The following SLC9A9 variants were observed in gnomAD, a reference collection of about 807,000 sequenced individuals.
SLC9A9 encodes sodium/hydrogen exchanger 9.
SLC9A9 carries 62 observed loss-of-function variants against 77.8 expected under a neutral mutation model. The observed-to-expected ratio is 0.80, with a 90% CI of 0.65 to 0.98. The LOEUF (loss-of-function observed/expected upper bound fraction) is 0.98. SLC9A9 is among the 50% of genes least tolerant of loss of function. The pLI, the probability that SLC9A9 is intolerant of heterozygous loss-of-function variation, is 0.00. For synonymous variants in SLC9A9, 320 were observed against 283.5 expected, an observed-to-expected ratio of 1.13 and a Z score of -1.29; for missense variants, 775 against 774.9, an observed-to-expected ratio of 1.00 and a Z score of 0.00.
intron 14 of SLC9A9, among the ~76,000 whole-genome samples, chr3:143,297,664 TTTTAA>T (rs759373420): frequency 2.0e-5 from 3 of 152,250 alleles, no homozygotes; most frequent in Non-Finnish European, 4.4e-5. Flanking sequence ...CATTTGTGTC[TTTTAA>T]TTTCTTTCAT....
intron 9 of SLC9A9, among the ~76,000 whole-genome samples, chr3:143,507,185 C>CATT (rs979571608): frequency 6.6e-6 from 1 of 151,590 alleles, no homozygotes; most frequent in Non-Finnish European, 1.5e-5. Context: ...CAGCCTCTCT[C>CATT]ATTATTATTA....
intron 7 of SLC9A9, among the ~76,000 whole-genome samples, chr3:143,575,969 G>A (rs983724973): frequency 6.6e-6 from 1 of 152,024 alleles, no homozygotes; most frequent in Non-Finnish European, 1.5e-5. Context: ...TACCGAGCCT[G>A]TTTCTTCCGT....
At chr3:143,358,633 T>C (rs988164921) in intron 14 of SLC9A9, among the ~76,000 whole-genome samples, 1 of 152,180 alleles carries the variant, frequency 6.6e-6, no homozygotes, top group Non-Finnish European at 1.5e-5. Context: ...TAGTCACCTA[T>C]GAATAAGGCA....
At chr3:143,573,954 T>C (rs2037312806) in intron 8 of SLC9A9, 134 bp downstream of exon 8, 1 of 760,240 alleles carries the variant, frequency 1.3e-6, no homozygotes, top group South Asian at 1.5e-5. Context: ...GAGAGGCTGA[T>C]TCTGACCCAA....
At chr3:143,279,114 T>G (rs1938138614) in intron 14 of SLC9A9, among the ~76,000 whole-genome samples, 1 of 152,290 alleles carries the variant, frequency 6.6e-6, no homozygotes. Flanking sequence ...CAAGTCAATT[T>G]ACTAATATAA....
chr3:143,476,361 G>C lies in SLC9A9; in HGVS notation c.1316-9171C>G, dbSNP rs187394099. On this transcript the variant is annotated intron_variant, in intron 11 of 15. Transcript: ENST00000316549. ...TGAATTTGAATCATTTAAACTTAAG[G>C]CTACTAAGAAGAAATGTGATATAAC... 2.0e-5 allele frequency among the ~76,000 whole-genome samples: 3 copies of C among 152,250 alleles called. No homozygotes were observed. In the East Asian group the frequency reaches 5.8e-4, roughly 29 times the overall value.
At chr3:143,298,677 C>T (rs1417540295) in intron 14 of SLC9A9, among the ~76,000 whole-genome samples, 4 of 152,200 alleles carry the variant, frequency 2.6e-5, no homozygotes, top group African/African-American at 9.7e-5. Context: ...TTGAGAGCAG[C>T]TTCCACAGTG....
chr3:143,650,107 G>A (rs1382854311), intron 6 of SLC9A9, among the ~76,000 whole-genome samples: 3 of 152,312 alleles, frequency 2.0e-5, no homozygotes, highest in East Asian at 1.9e-4. Flanking sequence ...AAGCTGAAGA[G>A]GGCAACCCAG....
intron 5 of SLC9A9, among the ~76,000 whole-genome samples, chr3:143,674,818 C>A (rs1278210130): frequency 6.6e-6 from 1 of 152,070 alleles, no homozygotes; most frequent in East Asian, 1.9e-4. Flanking sequence ...CAGGTTCTAC[C>A]AGTGCAATAA....
At chr3:143,488,012 G>T (rs1576530527) in intron 11 of SLC9A9, among the ~76,000 whole-genome samples, 1 of 151,708 alleles carries the variant, frequency 6.6e-6, no homozygotes, top group Non-Finnish European at 1.5e-5. Context: ...TAAGAAAAAA[G>T]AGAGAAGATT....
At chr3:143,441,312 G>A (rs2034729944) in intron 12 of SLC9A9, among the ~76,000 whole-genome samples, 1 of 152,150 alleles carries the variant, frequency 6.6e-6, no homozygotes. Context: ...GGGAATTTCA[G>A]GCCATGTGAA....
intron 14 of SLC9A9, among the ~76,000 whole-genome samples, chr3:143,282,743 G>A (rs1938261155): frequency 6.6e-6 from 1 of 152,198 alleles, no homozygotes; most frequent in African/African-American, 2.4e-5. Context: ...AGATAGGACT[G>A]TGGTGGCATC....
At chr3:143,270,997 A>G (rs376451932) in intron 14 of SLC9A9, among the ~76,000 whole-genome samples, 17 of 152,250 alleles carry the variant, frequency 1.1e-4, no homozygotes, top group African/African-American at 3.4e-4. Flanking sequence ...GAGTTGAGTG[A>G]TATCTCGCAC....
intron 12 of SLC9A9, among the ~76,000 whole-genome samples, chr3:143,409,903 A>G (rs77425767): frequency 0.055 from 8,392 of 152,272 alleles, 326 homozygotes; most frequent in African/African-American, 0.11. Context: ...AAGAAGGACA[A>G]TGAAAACTTA....
chr3:143,517,177 G>A, intron 9 of SLC9A9: 1 of 1,485,276 alleles, frequency 6.7e-7, no homozygotes. Context: ...TAACCTTTGA[G>A]TTGCTCTGGT....
At chr3:143,785,709 A>G (rs1454719480) in intron 4 of SLC9A9, among the ~76,000 whole-genome samples, 1 of 152,140 alleles carries the variant, frequency 6.6e-6, no homozygotes, top group Non-Finnish European at 1.5e-5. Flanking sequence ...GTGTGTGTGT[A>G]GAAGCAGAGT....
chr3:143,334,469 G>A (rs1025788421), intron 14 of SLC9A9, among the ~76,000 whole-genome samples: 4 of 152,202 alleles, frequency 2.6e-5, no homozygotes, highest in Non-Finnish European at 5.9e-5. Context: ...ATAATGAATA[G>A]GAGTGTGGAC....
rs1008306240 is a variant in SLC9A9, at chr3:143,502,374, T to C, written c.1090-6926A>G. ...TCTGAACGCTCATGGTAACCATTCA[T>C]ATGTTAATTAAGTGACTTAATCTAG... On this transcript the variant is annotated intron_variant, in intron 9 of 15. Transcript: ENST00000316549. 1.8e-4 allele frequency among the ~76,000 whole-genome samples: 26 copies of C among 143,182 alleles called. 1 individual carries two copies. The highest frequency in any genetic ancestry group is 6.9e-3 in the Middle Eastern group (2 of 290). 93.9% of individuals were successfully genotyped at this position (143,182 alleles called of 152,430 possible).
At chr3:143,380,567 A>G (rs547194052) in intron 13 of SLC9A9, among the ~76,000 whole-genome samples, 7 of 152,336 alleles carry the variant, frequency 4.6e-5, no homozygotes, top group Non-Finnish European at 1.0e-4. Flanking sequence ...ATTATAGCCC[A>G]CCAGTGTAAG....
Sources: allele counts gnomAD v4.1 joint callset (sites outside exome capture counted in the v4.1 genomes callset), GRCh38; gene constraint gnomAD v4.1.1; transcripts MANE v1.5; gene names NCBI Gene and HGNC (gene_info 2026-07-23, HGNC 2026-07-21).